SH3GL2: variants seen among roughly 807,000 people sequenced by gnomAD.
SH3GL2 encodes the protein SH3 domain containing GRB2 like 2, endophilin A1.
In SH3GL2, 24 loss-of-function variants were observed where a neutral mutation model predicts 46.0. The ratio of observed to expected loss-of-function variants is 0.52; its 90% CI spans 0.38 to 0.73. SH3GL2 has a LOEUF of 0.73. SH3GL2 is among the 30% of genes least tolerant of loss of function. The pLI is 0.00. For synonymous variants in SH3GL2, 196 were observed against 147.1 expected, an observed-to-expected ratio of 1.33 and a Z score of -2.40; for missense variants, 413 against 424.2, an observed-to-expected ratio of 0.97 and a Z score of 0.23.
At chr9:17,649,377 A>G (rs975892874) in intron 1 of SH3GL2, among the ~76,000 whole-genome samples, 4 of 152,282 alleles carry the variant, frequency 2.6e-5, no homozygotes, top group Admixed American at 2.6e-4. Context: ...TATCGCGTAC[A>G]TTTTTAAAGG....
intron 1 of SH3GL2, among the ~76,000 whole-genome samples, chr9:17,579,870 C>T (rs1475480102): frequency 2.0e-5 from 3 of 152,206 alleles, no homozygotes; most frequent in Non-Finnish European, 4.4e-5. Flanking sequence ...TAACTTTTAC[C>T]TGGAGAACTC....
At chr9:17,613,621 G>C (rs1286947159) in intron 1 of SH3GL2, among the ~76,000 whole-genome samples, 1 of 152,100 alleles carries the variant, frequency 6.6e-6, no homozygotes, top group Non-Finnish European at 1.5e-5. Context: ...CTCTAGTTAC[G>C]TGAAGACCTT....
At chr9:17,676,796 C>G (rs1340725654) in intron 1 of SH3GL2, among the ~76,000 whole-genome samples, 1 of 152,174 alleles carries the variant, frequency 6.6e-6, no homozygotes. Context: ...CTAAGAAGGT[C>G]TGAGTCATAA....
intron 1 of SH3GL2, among the ~76,000 whole-genome samples, chr9:17,707,579 C>G (rs1357375024): frequency 2.6e-5 from 4 of 152,050 alleles, no homozygotes; most frequent in Non-Finnish European, 5.9e-5. Flanking sequence ...GCAACAGTCA[C>G]TTTGTGAACT....
rs545092186 is a variant in SH3GL2, at chr9:17,610,705, A to G, written c.45+31418A>G. 2.7e-5 allele frequency among the ~76,000 whole-genome samples: 4 copies of G among 150,110 alleles called. No homozygotes were observed. The South Asian group carries it at 8.6e-4, about 32-fold the overall frequency. Reference sequence around the variant, plus strand: ...ACAAAATTATTAAGCAAAGCCATTCAAGAAGTACAGCAAGTTTTCTAAAGT... The same window carrying G: ...ACAAAATTATTAAGCAAAGCCATTCGAGAAGTACAGCAAGTTTTCTAAAGT... On this transcript the variant is annotated intron_variant, in intron 1 of 8. Transcript: ENST00000380607.
chr9:17,749,991 T>G lies in SH3GL2; in HGVS notation c.114+2857T>G, dbSNP rs146937070. ...TACTTGGGTTTATACCTGAATAAAT[T>G]GAGAGATTTAGGTTTCAGTGCAGTG... On this transcript the variant is annotated intron_variant, in intron 2 of 8. Coordinates refer to ENST00000380607, the MANE Select transcript of SH3GL2 (RefSeq NM_003026.5). Among the ~76,000 whole-genome samples the G allele has an allele frequency of 2.0e-3, 300 of 152,224 alleles. 2 individuals carry two copies. Among genetic ancestry groups the G allele is most frequent in the African/African-American group, 6.2e-3 (258 of 41,534 alleles).
At chr9:17,749,141 A>T (rs966280416) in intron 2 of SH3GL2, among the ~76,000 whole-genome samples, 1 of 152,174 alleles carries the variant, frequency 6.6e-6, no homozygotes, top group Non-Finnish European at 1.5e-5. Flanking sequence ...ACTTCCTCCA[A>T]CTGGACCAAA....
At chr9:17,595,907 T>G (rs373208443) in intron 1 of SH3GL2, among the ~76,000 whole-genome samples, 89 of 152,286 alleles carry the variant, frequency 5.8e-4, no homozygotes, top group African/African-American at 2.0e-3. Context: ...TAATGAACAT[T>G]TGAACAGTGA....
intron 1 of SH3GL2, among the ~76,000 whole-genome samples, chr9:17,623,452 G>T (rs1819205373): frequency 6.6e-6 from 1 of 152,108 alleles, no homozygotes; most frequent in Admixed American, 6.5e-5. Context: ...CTTAGGGAAT[G>T]AATTAAGAAG....
intron 3 of SH3GL2, among the ~76,000 whole-genome samples, chr9:17,776,866 C>A (rs1823655132): frequency 6.6e-6 from 1 of 152,096 alleles, no homozygotes; most frequent in Non-Finnish European, 1.5e-5. Flanking sequence ...CATTTTCAAG[C>A]TACCAGTGTG....
chr9:17,766,965 T>A (rs1823335909), intron 3 of SH3GL2, among the ~76,000 whole-genome samples: 1 of 152,224 alleles, frequency 6.6e-6, no homozygotes, highest in South Asian at 2.1e-4. Context: ...GAAAGTCTGT[T>A]TCATGACACT....
intron 2 of SH3GL2, among the ~76,000 whole-genome samples, chr9:17,753,675 A>T: frequency 6.6e-6 from 1 of 152,064 alleles, no homozygotes. Flanking sequence ...ACTCTTTGGT[A>T]TAATTAGATC....
chr9:17,637,810 T>C (rs1341561880), intron 1 of SH3GL2, among the ~76,000 whole-genome samples: 1 of 152,168 alleles, frequency 6.6e-6, no homozygotes, highest in African/African-American at 2.4e-5. Context: ...ACTGATAAAC[T>C]CAGTCAGACA....
At chr9:17,748,130 A>G (rs1822746774) in intron 2 of SH3GL2, among the ~76,000 whole-genome samples, 1 of 152,012 alleles carries the variant, frequency 6.6e-6, no homozygotes. Context: ...ATCTCATTTT[A>G]TTTTTCTTGG....
At chr9:17,606,084 G>GGTTT (rs4007673) in intron 1 of SH3GL2, among the ~76,000 whole-genome samples, 102,726 of 145,418 alleles carry the variant, frequency 0.71, 38,561 homozygotes, top group Non-Finnish European at 0.83. Context: ...ACTTGCGTGA[G>GGTTT]GTTTGTTTGT....
chr9:17,715,407 GTCTC>G (rs906782063), intron 1 of SH3GL2, among the ~76,000 whole-genome samples: 1 of 151,154 alleles, frequency 6.6e-6, no homozygotes, highest in African/African-American at 2.4e-5. Context: ...AATTTTTTTT[GTCTC>G]TCTCCAATTC....
intron 1 of SH3GL2, among the ~76,000 whole-genome samples, chr9:17,738,661 G>GACAGAGAC (rs1554645345): frequency 7.6e-6 from 1 of 132,104 alleles, no homozygotes; most frequent in South Asian, 2.5e-4. Context: ...GAGAGAGAGA[G>GACAGAGAC]AGAGAGAGAG....
At chr9:17,614,278 G>T (rs1175266223) in intron 1 of SH3GL2, among the ~76,000 whole-genome samples, 2 of 110,918 alleles carry the variant, frequency 1.8e-5, no homozygotes, top group Non-Finnish European at 3.4e-5. Flanking sequence ...GTGTGACAGG[G>T]AACATGCATG....
intron 6 of SH3GL2, among the ~76,000 whole-genome samples, chr9:17,790,858 G>A (rs1361118492): frequency 6.6e-6 from 1 of 152,112 alleles, no homozygotes; most frequent in East Asian, 1.9e-4. Flanking sequence ...AGCATGAAAA[G>A]TATAAGGAAC....
Sources: gnomAD v4.1 joint callset for allele counts (sites outside exome capture counted in the v4.1 genomes callset) on GRCh38, gnomAD v4.1.1 for gene constraint, MANE v1.5 for transcripts, NCBI Gene and HGNC (gene_info 2026-07-23, HGNC 2026-07-21) for gene names.